SYT17: variants seen among roughly 807,000 people sequenced by gnomAD.
SYT17 encodes the protein synaptotagmin 17.
SYT17 carries 22 observed loss-of-function variants against 46.7 expected under a neutral mutation model. That is an observed-to-expected ratio of 0.47 (90% CI 0.34 to 0.67). The LOEUF (loss-of-function observed/expected upper bound fraction) is 0.67, where lower values mean the gene tolerates loss of function less well. Ranked by LOEUF, SYT17 falls within the 30% of genes least tolerant of loss-of-function variation. SYT17 has a pLI of 0.01. For missense variants in SYT17, 519 were observed against 612.8 expected, an observed-to-expected ratio of 0.85 and a Z score of 1.62; for synonymous variants, 251 against 248.4, an observed-to-expected ratio of 1.01 and a Z score of -0.10.
chr16:19,267,116 A>AAAAC lies in SYT17; in HGVS notation c.*43_*44insCAAA. The AAAAC allele has an allele frequency of 6.7e-7, 1 of 1,501,478 alleles. No homozygotes were observed. The highest frequency in any genetic ancestry group is 2.4e-5 in the East Asian group (1 of 41,038). 93.0% of individuals were successfully genotyped at this position (1,501,478 alleles called of 1,614,324 possible). ...GCAGCTTTCATTTGTTTAAAAAAAA[A>AAAAC]AAAAAAAGACGGAAAAAAATGTGTC... On this transcript the variant is annotated 3_prime_UTR_variant, in exon 8 of 8. Transcript: ENST00000355377.
intron 7 of SYT17, among the ~76,000 whole-genome samples, chr16:19,250,774 G>A (rs1177821673): frequency 6.6e-6 from 1 of 152,022 alleles, no homozygotes; most frequent in African/African-American, 2.4e-5. Context: ...ACAGAAAGGT[G>A]CATCAATTCA....
Position 19,183,922 on chromosome 16 carries a change from A to C in SYT17, c.726A>C (p.Ser242=). The part of the protein sequence containing the change: ...KICLLPDQKN[S]KQTGVKRKTQ... Reference sequence around the variant, plus strand: ...GTCTCCTGCCAGACCAGAAGAACTCAAAGCAGACCGGGGTCAAACGCAAGA... The same window carrying C: ...GTCTCCTGCCAGACCAGAAGAACTCCAAGCAGACCGGGGTCAAACGCAAGA... The change falls in exon 5 of 8, where the codon TCA becomes TCC. Residue 242 remains serine (S), a synonymous_variant. Coordinates refer to ENST00000355377, the MANE Select transcript of SYT17 (RefSeq NM_016524.4). The surrounding 1 kb of genome is among the most constrained non-coding windows in gnomAD (Gnocchi z 5.6). The C allele has an allele frequency of 6.2e-7, 1 of 1,614,208 alleles. No individual in the cohort carries two copies. Among genetic ancestry groups the C allele is most frequent in the Non-Finnish European group, 8.5e-7 (1 of 1,180,052 alleles).
chr16:19,196,485 C>T (rs1965251170), intron 5 of SYT17, among the ~76,000 whole-genome samples: 1 of 152,076 alleles, frequency 6.6e-6, no homozygotes, highest in African/African-American at 2.4e-5. Flanking sequence ...TCATGTGATC[C>T]ACCCGCCTTG....
intron 5 of SYT17, among the ~76,000 whole-genome samples, chr16:19,209,870 T>G (rs1965827550): frequency 7.6e-6 from 1 of 131,770 alleles, no homozygotes; most frequent in African/African-American, 3.2e-5. Flanking sequence ...AGAGCAAGAC[T>G]CTGTCTCAAA....
rs1223411068 is a variant in SYT17 at position 19,266,808 on chromosome 16, C to G, written c.1229-72C>G. The G allele has an allele frequency of 4.2e-6, 6 of 1,417,248 alleles. No individual in the cohort carries two copies. The East Asian group carries it at 1.4e-4, about 33-fold the overall frequency. The allele number at this position is 1,417,248 out of a possible 1,614,324, so 87.8% of individuals were successfully genotyped here. A position where few individuals can be genotyped will look rare whatever the true frequency, so the allele number is the denominator to read the frequency against. ...GTGTAGACTAATGGCCTCTTGTCTT[C>G]TCCCTGCCTTCCTGTTCTGTTCCCC... is the stretch of plus-strand genomic sequence containing the variant. On this transcript the variant is annotated intron_variant, in intron 7 of 7. Transcript: ENST00000355377.
At chr16:19,179,609 C>G (rs1044406280) in intron 3 of SYT17, among the ~76,000 whole-genome samples, 1 of 152,180 alleles carries the variant, frequency 6.6e-6, no homozygotes, top group Non-Finnish European at 1.5e-5. Context: ...TGTTTACAAC[C>G]ACCGTATAAT....
intron 7 of SYT17, among the ~76,000 whole-genome samples, chr16:19,256,825 A>C (rs1968608810): frequency 6.6e-6 from 1 of 151,934 alleles, no homozygotes; most frequent in Non-Finnish European, 1.5e-5. Flanking sequence ...CGATCCTCCC[A>C]CCTTGGCCTC....
At chr16:19,182,769 G>A (rs137877889) in intron 4 of SYT17, among the ~76,000 whole-genome samples, 131 of 152,394 alleles carry the variant, frequency 8.6e-4, no homozygotes, top group African/African-American at 3.1e-3. Context: ...TCATGGAAGG[G>A]AGAGAGGCGG....
rs551338543 is a variant in SYT17, at chr16:19,205,224, G to A, written c.952-17821G>A. On this transcript the variant is annotated intron_variant, in intron 5 of 7. Coordinates refer to ENST00000355377, the MANE Select transcript of SYT17 (RefSeq NM_016524.4). The stretch of plus-strand genomic sequence containing the variant: ...AAAATCTAAATGAGACTCAGCCCCT[G>A]TATCTCCCTCCAACTTTATTTCCCT... Among the ~76,000 whole-genome samples the A allele has an allele frequency of 1.3e-4, 20 of 152,240 alleles. No homozygotes were observed. In the South Asian group the frequency reaches 4.1e-3, roughly 32 times the overall value.
chr16:19,223,015 C>G, intron 5 of SYT17, 30 bp from the exon 6 acceptor site: 1 of 1,612,608 alleles, frequency 6.2e-7, no homozygotes, highest in South Asian at 1.1e-5. Flanking sequence ...AAGGAGAAGG[C>G]AACTTCCTGA....
chr16:19,207,721 T>C (rs1318688889), intron 5 of SYT17, among the ~76,000 whole-genome samples: 3 of 151,994 alleles, frequency 2.0e-5, no homozygotes, highest in Non-Finnish European at 4.4e-5. Flanking sequence ...AGCAGAAAGA[T>C]AGGGAACAAG....
intron 3 of SYT17, among the ~76,000 whole-genome samples, chr16:19,176,827 G>A (rs960573201): frequency 2.6e-5 from 4 of 152,124 alleles, no homozygotes; most frequent in African/African-American, 4.8e-5. Flanking sequence ...GTGAATTATC[G>A]CTTGATTAAT....
intron 7 of SYT17, chr16:19,249,834 T>C (rs1340033684): frequency 1.6e-5 from 19 of 1,191,426 alleles, no homozygotes; most frequent in Middle Eastern, 2.5e-4. Flanking sequence ...ATTGGAGTCA[T>C]TGGGATAACC....
At chr16:19,246,781 T>C (rs895053953) in intron 7 of SYT17, among the ~76,000 whole-genome samples, 2 of 152,252 alleles carry the variant, frequency 1.3e-5, no homozygotes, top group Admixed American at 1.3e-4. Flanking sequence ...TTTATTCATT[T>C]AACAAATATT....
intron 5 of SYT17, among the ~76,000 whole-genome samples, chr16:19,203,951 G>A (rs923038394): frequency 1.3e-5 from 2 of 152,194 alleles, no homozygotes; most frequent in Admixed American, 1.3e-4. Flanking sequence ...CGGAAGCTGG[G>A]GAATGAAAAG....
At position 19,266,931 on chromosome 16, in the gene SYT17, T is replaced by A; in HGVS notation, c.1280T>A (p.Ile427Asn). The change falls in exon 8 of 8, where the codon ATT (isoleucine) becomes AAT (asparagine). Residue 427 changes from isoleucine (I) to asparagine (N), a missense_variant. Physicochemically the swap from Ile to Asn is moderately radical, Grantham distance 149. Coordinates refer to ENST00000355377, the MANE Select transcript of SYT17 (RefSeq NM_016524.4). ...AATGACTTCATCGGGAGGATCGTCA[T>A]TGGCCAGTACTCTTCAGGCCCCTCT... is the stretch of plus-strand genomic sequence containing the variant. ...SSNDFIGRIV[I>N]GQYSSGPSET... 1 of 1,613,712 alleles carries A rather than the reference T, an allele frequency of 6.2e-7. No homozygotes were observed. Among genetic ancestry groups the A allele is most frequent in the Non-Finnish European group, 8.5e-7 (1 of 1,179,942 alleles).
At chr16:19,257,260 C>T (rs1001312669) in intron 7 of SYT17, among the ~76,000 whole-genome samples, 2 of 152,046 alleles carry the variant, frequency 1.3e-5, no homozygotes, top group African/African-American at 2.4e-5. Context: ...AAACATCACC[C>T]TTAAGTCATG....
intron 5 of SYT17, among the ~76,000 whole-genome samples, chr16:19,209,088 C>G (rs1025648155): frequency 6.6e-6 from 1 of 151,576 alleles, no homozygotes; most frequent in African/African-American, 2.4e-5. Context: ...AGGCTGGTCT[C>G]GAACTTCTGA....
chr16:19,189,090 G>A (rs1483421001), intron 5 of SYT17, among the ~76,000 whole-genome samples: 1 of 152,086 alleles, frequency 6.6e-6, no homozygotes, highest in African/African-American at 2.4e-5. Context: ...GTTTCACCGT[G>A]TTAGCCAGGA....
Sources: allele counts gnomAD v4.1 joint callset (sites outside exome capture counted in the v4.1 genomes callset), GRCh38; gene constraint gnomAD v4.1.1; non-coding constraint Gnocchi (gnomAD v3.1); transcripts MANE v1.5; gene names NCBI Gene and HGNC (gene_info 2026-07-23, HGNC 2026-07-21).